Variants in BIN3 observed in about 807,000 individuals in gnomAD.
The protein encoded by BIN3 is bridging integrator 3.
BIN3 carries 41 observed loss-of-function variants against 38.2 expected under a neutral mutation model. The ratio of observed to expected loss-of-function variants is 1.07; its 90% CI spans 0.84 to 1.39. The LOEUF (loss-of-function observed/expected upper bound fraction) is 1.39. Among genes scored for constraint, BIN3 ranks in the 40% most tolerant of loss-of-function variants. The pLI is 0.00. For synonymous variants in BIN3, 145 were observed against 122.6 expected (o/e 1.18, Z -1.21); for missense variants, 361 against 324.3 (o/e 1.11, Z -0.87).
In BIN3 at chr8:22,621,532, C is replaced by T. The variant is rs774444271; in HGVS notation, c.652G>A (p.Asp218Asn). The T allele has an allele frequency of 4.3e-6, 7 of 1,613,900 alleles. No individual in the cohort carries two copies. In the East Asian group the frequency reaches 1.1e-4, roughly 26 times the overall value. The change falls in exon 9 of 9, where the codon GAC becomes AAC. Residue 218 changes from aspartate to asparagine, a missense_variant. By Grantham distance (23) the Asp-to-Asn change is conservative (BLOSUM62 1). Coordinates refer to ENST00000276416, the MANE Select transcript of BIN3 (RefSeq NM_018688.6). ...YYSEMHKIFG[D>N]LSHQLDQPGH... ...GGCTGGTCAAGCTGATGGGACAGGT[C>T]TCCAAAGATCTTGTGCATTTCCGAG...
intron 3 of BIN3, 23 bp from the exon 4 acceptor site, chr8:22,636,609 C>T: frequency 6.4e-7 from 1 of 1,550,818 alleles, no homozygotes; most frequent in South Asian, 1.2e-5. Flanking sequence ...GGACGGGCTG[C>T]TTGGGGTCCC....
At chr8:22,624,523 A>C in intron 6 of BIN3, 160 bp from the exon 7 acceptor site, 2 of 867,244 alleles carry the variant, frequency 2.3e-6, no homozygotes, top group Non-Finnish European at 3.5e-6. Flanking sequence ...CTGAGCACCT[A>C]CCAAGCGCCA....
At position 22,621,517 on chromosome 8, in the gene BIN3, G is replaced by A. The variant is rs779548998; in HGVS notation, c.667C>T (p.Leu223Phe). 2 of 1,613,906 alleles carry A rather than the reference G, an allele frequency of 1.2e-6. No homozygotes were observed. Among genetic ancestry groups the A allele is most frequent in the Middle Eastern group, 1.6e-4 (1 of 6,062 alleles). Residue 223 changes from leucine to phenylalanine, a missense_variant, in exon 9 of 9, where the codon CTT (leucine) becomes TTT (phenylalanine). Leu to Phe is a conservative substitution (Grantham distance 22). Coordinates refer to ENST00000276416, the MANE Select transcript of BIN3 (RefSeq NM_018688.6). ...HKIFGDLSHQ[L>F]DQPGHSDEQR... The stretch of plus-strand genomic sequence containing the variant: ...TCATCGGAGTGGCCTGGCTGGTCAA[G>A]CTGATGGGACAGGTCTCCAAAGATC...
At chr8:22,650,533 G>T (rs1261707535) in intron 1 of BIN3, among the ~76,000 whole-genome samples, 2 of 151,968 alleles carry the variant, frequency 1.3e-5, no homozygotes, top group African/African-American at 4.8e-5. Context: ...TACTTTTATG[G>T]CTTCCTTTTG....
intron 4 of BIN3, among the ~76,000 whole-genome samples, chr8:22,635,279 C>T (rs1394447062): frequency 5.9e-5 from 9 of 152,262 alleles, no homozygotes; most frequent in South Asian, 2.1e-4. Flanking sequence ...TATACCGATC[C>T]GCTTGTGGAC....
chr8:22,652,938 T>C (rs992890654), intron 1 of BIN3, among the ~76,000 whole-genome samples: 7 of 152,362 alleles, frequency 4.6e-5, no homozygotes, highest in Non-Finnish European at 1.0e-4. Flanking sequence ...TTTCCTCTGG[T>C]ATGGTTGTTC....
At chr8:22,650,033 G>A (rs1312995091) in intron 1 of BIN3, among the ~76,000 whole-genome samples, 1 of 152,158 alleles carries the variant, frequency 6.6e-6, no homozygotes, top group East Asian at 1.9e-4. Flanking sequence ...AGCTACGGAA[G>A]TAAAATGAGT....
At chr8:22,660,862 G>A (rs1006426052) in intron 1 of BIN3, among the ~76,000 whole-genome samples, 5 of 152,112 alleles carry the variant, frequency 3.3e-5, no homozygotes, top group Non-Finnish European at 5.9e-5. Flanking sequence ...ATCGCACCCT[G>A]AGATTGTATT....
At chr8:22,658,835 A>G (rs1203667290) in intron 1 of BIN3, among the ~76,000 whole-genome samples, 1 of 151,634 alleles carries the variant, frequency 6.6e-6, no homozygotes, top group African/African-American at 2.4e-5. Flanking sequence ...AGCAAAGAGT[A>G]GGCGGTGGTG....
intron 1 of BIN3, among the ~76,000 whole-genome samples, chr8:22,664,210 C>T (rs1294821734): frequency 1.3e-5 from 2 of 152,188 alleles, no homozygotes; most frequent in East Asian, 1.9e-4. Context: ...GAGTATAATA[C>T]ATATAACACC....
Position 22,669,035 on chromosome 8 carries a change from C to T in BIN3, c.8+9G>A. On this transcript the variant is annotated intron_variant, in intron 1 of 8. Coordinates refer to ENST00000276416, the MANE Select transcript of BIN3 (RefSeq NM_018688.6). ...GTCCAGCAGCTCCCGCCGCCTGGGC[C>T]TCACTCACCAGCTCATGGTCCCGAA... 1 of 1,585,044 alleles carries T rather than the reference C, an allele frequency of 6.3e-7. No homozygotes were observed. The highest frequency in any genetic ancestry group is 8.6e-7 in the Non-Finnish European group (1 of 1,166,202).
rs373328617 is a variant in BIN3 at position 22,636,537 on chromosome 8, C to G, written c.148G>C (p.Asp50His). Reference sequence around the variant, plus strand: ...GAAAGTCACCTACCCAGGTCTGCGTCGGTGCTCTTCTTCATGTCTTTCTGC... The same window carrying G: ...GAAAGTCACCTACCCAGGTCTGCGTGGGTGCTCTTCTTCATGTCTTTCTGC... ...RLQKDMKKSTDADLAMSKSAV... is the reference protein window; with the variant it reads ...RLQKDMKKSTHADLAMSKSAV... The change falls in exon 4 of 9, where the codon GAC (aspartate) becomes CAC (histidine). Residue 50 changes from aspartate (D) to histidine (H), a missense_variant. Transcript: ENST00000276416. The G allele has an allele frequency of 3.2e-6, 5 of 1,552,704 alleles. No individual in the cohort carries two copies. The East Asian group carries it at 1.2e-4, about 38-fold the overall frequency.
At chr8:22,635,535 C>T (rs1407470502) in intron 4 of BIN3, among the ~76,000 whole-genome samples, 3 of 152,136 alleles carry the variant, frequency 2.0e-5, no homozygotes, top group East Asian at 1.9e-4. Context: ...GGCTTGCTGC[C>T]GACCATGACG....
chr8:22,657,598 G>T (rs1231730037), intron 1 of BIN3, among the ~76,000 whole-genome samples: 4 of 152,234 alleles, frequency 2.6e-5, no homozygotes, highest in African/African-American at 9.7e-5. Context: ...TGGCAGAAGT[G>T]AACCCACTCT....
chr8:22,631,184 G>A (rs1802187602), intron 4 of BIN3, among the ~76,000 whole-genome samples: 1 of 152,150 alleles, frequency 6.6e-6, no homozygotes. Context: ...GATTAGGCCA[G>A]CAGCTGCACC....
chr8:22,647,036 G>C (rs987069610), intron 1 of BIN3, among the ~76,000 whole-genome samples: 1 of 152,160 alleles, frequency 6.6e-6, no homozygotes, highest in Admixed American at 6.5e-5. Flanking sequence ...CTCTGCCTCC[G>C]ACTCATTTTG....
chr8:22,652,948 C>T (rs1306426991), intron 1 of BIN3, among the ~76,000 whole-genome samples: 5 of 152,004 alleles, frequency 3.3e-5, no homozygotes, highest in African/African-American at 9.7e-5. Context: ...TATGGTTGTT[C>T]GAAATTTTTC....
At chr8:22,631,566 C>A (rs1468375456) in intron 4 of BIN3, among the ~76,000 whole-genome samples, 1 of 152,206 alleles carries the variant, frequency 6.6e-6, no homozygotes, top group Non-Finnish European at 1.5e-5. Flanking sequence ...CAAGGTCAAA[C>A]GGCTGAGTGC....
At chr8:22,651,395 G>A (rs1212943590) in intron 1 of BIN3, among the ~76,000 whole-genome samples, 1 of 152,202 alleles carries the variant, frequency 6.6e-6, no homozygotes, top group African/African-American at 2.4e-5. Flanking sequence ...GAGGCTCTCA[G>A]CACCAGCTGT....
Sources: gnomAD v4.1 joint callset for allele counts (sites outside exome capture counted in the v4.1 genomes callset) on GRCh38, gnomAD v4.1.1 for gene constraint, MANE v1.5 for transcripts, NCBI Gene and HGNC (gene_info 2026-07-23, HGNC 2026-07-21) for gene names.